The following BTK variants were observed in gnomAD, a reference collection of about 807,000 sequenced individuals.
BTK encodes tyrosine-protein kinase BTK.
In BTK, 5 loss-of-function variants were observed where a neutral mutation model predicts 57.4. That is an observed-to-expected ratio of 0.09 (90% CI 0.05 to 0.18). The LOEUF is 0.18. Ranked by LOEUF, BTK falls within the 10% of genes least tolerant of loss-of-function variation. The pLI is 1.00. For synonymous variants in BTK, 154 were observed against 174.3 expected (o/e 0.88, Z 0.92); for missense variants, 194 against 501.2 (o/e 0.39, Z 5.85).
chrX:101,356,702 A>T, intron 14 of BTK, 82 bp downstream of exon 14: 1 of 1,121,456 alleles, frequency 8.9e-7, no homozygotes, highest in Admixed American at 2.2e-5. Flanking sequence ...ACTGTAAGTC[A>T]TCTTTAAGCC....
intron 17 of BTK, 67 bp from the exon 18 acceptor site, chrX:101,353,418 C>A: frequency 1.9e-6 from 2 of 1,049,931 alleles, no homozygotes; most frequent in East Asian, 3.0e-5. Flanking sequence ...CCTAGTCTTC[C>A]TAGATCAACC....
In BTK at chrX:101,375,331, T is replaced by C. The variant is rs782405736; in HGVS notation, c.-30-17A>G. ...ACCTGTGTGCTGTTGATAATGAAAG[T>C]TCCTGAGGACCCAGGACATTAATCC... On this transcript the variant is annotated splice_polypyrimidine_tract_variant and intron_variant, in intron 1 of 18. Transcript: ENST00000308731. 1.7e-6 allele frequency: 2 copies of C among 1,202,990 alleles called. No homozygotes were observed. Among genetic ancestry groups the C allele is most frequent in the Non-Finnish European group, 2.2e-6 (2 of 888,902 alleles).
intron 6 of BTK, 123 bp from the exon 7 acceptor site, chrX:101,362,363 G>A (rs1398016111): frequency 1.3e-5 from 13 of 985,742 alleles, no homozygotes; most frequent in South Asian, 1.9e-5. Context: ...AAAGTAGCTA[G>A]GCATGCCAGG....
intron 5 of BTK, among the ~76,000 whole-genome samples, chrX:101,364,233 AC>A (rs1235989914): frequency 2.6e-4 from 28 of 106,620 alleles, no homozygotes; most frequent in Non-Finnish European, 4.4e-4. Context: ...ATATGATGAA[AC>A]CCCGTCTCTA....
chrX:101,350,024 T>C, intron 18 of BTK, 68 bp from the exon 19 acceptor site: 1 of 809,085 alleles, frequency 1.2e-6, no homozygotes, highest in South Asian at 2.0e-5. Context: ...ATGCAATGAG[T>C]AAGCAGCAAA....
chrX:101,367,580 G>A (rs1926897487), intron 5 of BTK, among the ~76,000 whole-genome samples: 1 of 109,749 alleles, frequency 9.1e-6, no homozygotes, highest in African/African-American at 3.3e-5. Flanking sequence ...AGGTTGCAGT[G>A]AGCCGAGATC....
Position 101,374,624 on chromosome X carries a change from C to G in BTK, c.152G>C (p.Ser51Thr), listed in dbSNP as rs1555980800. ...CTCAACATCTATTGAACCCTTCTTA[C>G]TGCCTCTTCTCTGAGAAGTAGAATG... is the stretch of plus-strand genomic sequence containing the variant. ...EYDFERGRRGSKKGSIDVEKI... is the reference protein window; with the variant it reads ...EYDFERGRRGTKKGSIDVEKI... The change falls in exon 3 of 19, where the codon AGT (serine) becomes ACT (threonine). Residue 51 changes from serine (S) to threonine (T), a missense_variant. By Grantham distance (58) the Ser-to-Thr change is moderately conservative (BLOSUM62 1). Around this residue, in one of 3 missense-constraint regions of BTK, gnomAD observed 115 missense variants for 258.3 expected, o/e 0.45. Coordinates refer to ENST00000308731, the MANE Select transcript of BTK (RefSeq NM_000061.3). 1 of 1,200,332 alleles carries G rather than the reference C, an allele frequency of 8.3e-7. No individual in the cohort carries two copies. Among genetic ancestry groups the G allele is most frequent in the Admixed American group, 2.2e-5 (1 of 46,002 alleles).
At chrX:101,358,795 T>C in intron 10 of BTK, 99 bp from the exon 11 acceptor site, 1 of 698,355 alleles carries the variant, frequency 1.4e-6, no homozygotes, top group South Asian at 2.2e-5. Context: ...CAACCCCTGA[T>C]TTTACTGCCA....
upstream of BTK, among the ~76,000 whole-genome samples, chrX:101,388,843 C>T (rs1276419111): frequency 2.7e-5 from 3 of 111,720 alleles, no homozygotes; most frequent in African/African-American, 6.5e-5. Flanking sequence ...AATATCTAGA[C>T]AGAGGAAGGT....
intron 1 of BTK, among the ~76,000 whole-genome samples, chrX:101,376,488 G>A (rs954152589): frequency 5.4e-5 from 6 of 111,363 alleles, no homozygotes; most frequent in Non-Finnish European, 7.5e-5. Context: ...ATAGCCGGGC[G>A]TAGTGGTGGA....
chrX:101,363,182 C>T (rs1473266537), intron 5 of BTK, among the ~76,000 whole-genome samples: 6 of 111,358 alleles, frequency 5.4e-5, no homozygotes, highest in African/African-American at 2.0e-4. Context: ...GAGCTGATCT[C>T]AAGGGCAAAT....
Position 101,360,567 on chromosome X carries a change from C to T in BTK, c.776+1G>A. ...CTCAGGAAGGGCTGGTGTGGACTCA[C>T]CCATTTTTATCTCGTGCTCTCCACC... On this transcript the variant is annotated splice_donor_variant, in intron 8 of 18. Coordinates refer to ENST00000308731, the MANE Select transcript of BTK (RefSeq NM_000061.3). LOFTEE classifies it high-confidence loss of function. 8.3e-7 allele frequency: 1 copy of T among 1,211,430 alleles called. No homozygotes were observed. Among genetic ancestry groups the T allele is most frequent in the Non-Finnish European group, 1.1e-6 (1 of 895,300 alleles).
intron 1 of BTK, among the ~76,000 whole-genome samples, chrX:101,375,813 G>A (rs1927191991): frequency 8.9e-6 from 1 of 111,907 alleles, no homozygotes; most frequent in Non-Finnish European, 1.9e-5. Context: ...TCCCACTGGG[G>A]TCTGTAACCA....
chrX:101,367,514 T>G (rs1926892058), intron 5 of BTK, among the ~76,000 whole-genome samples: 1 of 108,470 alleles, frequency 9.2e-6, no homozygotes, highest in Non-Finnish European at 1.9e-5. Flanking sequence ...CAGGCGCCTG[T>G]CATCCCAACT....
intron 4 of BTK, 60 bp downstream of exon 4, chrX:101,371,573 C>A (rs1927033899): frequency 9.7e-7 from 1 of 1,028,091 alleles, no homozygotes; most frequent in East Asian, 3.0e-5. Context: ...CTGCACCCCA[C>A]CACCCCTTCT....
upstream of BTK, among the ~76,000 whole-genome samples, chrX:101,387,140 C>G (rs782466738): frequency 4.5e-5 from 5 of 111,115 alleles, no homozygotes; most frequent in Admixed American, 9.6e-5. Context: ...CAATTTCATC[C>G]GAAGTTTTAA....
chrX:101,363,236 T>C (rs1555978962), intron 5 of BTK, among the ~76,000 whole-genome samples: 1 of 111,755 alleles, frequency 8.9e-6, no homozygotes, highest in Non-Finnish European at 1.9e-5. Flanking sequence ...TGAATCTTCC[T>C]AGGGCCACTG....
chrX:101,351,503 C>T (rs1237465148), intron 18 of BTK, among the ~76,000 whole-genome samples: 1 of 111,731 alleles, frequency 9.0e-6, no homozygotes, highest in African/African-American at 3.2e-5. Context: ...TGCACTTTCT[C>T]TGTGATCTGT....
intron 5 of BTK, among the ~76,000 whole-genome samples, chrX:101,364,965 C>CTTCTGA (rs1262649801): frequency 1.8e-5 from 2 of 111,159 alleles, no homozygotes; most frequent in African/African-American, 3.3e-5. Context: ...TGGTCTCGAA[C>CTTCTGA]TTCTGACCTC....
Sources: gnomAD v4.1 joint callset for allele counts (sites outside exome capture counted in the v4.1 genomes callset) on GRCh38, gnomAD v4.1.1 for gene constraint, gnomAD v4.1.1 regional missense constraint, MANE v1.5 for transcripts, NCBI Gene and HGNC (gene_info 2026-07-23, HGNC 2026-07-21) for gene names.